AKT3: variants seen among roughly 807,000 people sequenced by gnomAD.
AKT3 encodes the protein RAC-gamma serine/threonine-protein kinase.
A neutral mutation model predicts 65.3 loss-of-function variants in AKT3; 15 were observed. That is an observed-to-expected ratio of 0.23 (90% CI 0.15 to 0.35). The LOEUF is 0.35. Ranked by LOEUF, AKT3 falls within the 10% of genes least tolerant of loss-of-function variation. The pLI, the probability that AKT3 is intolerant of heterozygous loss-of-function variation, is 1.00. For synonymous variants in AKT3, 206 were observed against 183.8 expected (o/e 1.12, Z -0.98); for missense variants, 243 against 576.5 (o/e 0.42, Z 5.92).
intron 13 of AKT3, among the ~76,000 whole-genome samples, chr1:243,510,791 C>T (rs528599560): frequency 1.3e-5 from 2 of 152,252 alleles, no homozygotes; most frequent in Non-Finnish European, 2.9e-5. Context: ...GGGATGGCAC[C>T]GGAAGGTTTT....
chr1:243,795,476 G>GTTTT lies in AKT3; in HGVS notation c.46+47645_46+47648dup, dbSNP rs11440720. The stretch of plus-strand genomic sequence containing the variant: ...TTTTTTTTTTTGTTTTTTTTTTTTG[G>GTTTT]TTTTTTTTTTTTTGAGACGGAGTCT... On this transcript the variant is annotated intron_variant, in intron 2 of 13. Coordinates refer to ENST00000673466, the MANE Select transcript of AKT3 (RefSeq NM_005465.7). 7.0e-4 allele frequency among the ~76,000 whole-genome samples: 77 copies of GTTTT among 109,830 alleles called. 1 individual carries two copies. Among genetic ancestry groups the GTTTT allele is most frequent in the East Asian group, 1.6e-3 (6 of 3,722 alleles). The allele number at this position is 109,830 out of a possible 152,430, so 72.1% of individuals were successfully genotyped here. A position where few individuals can be genotyped will look rare whatever the true frequency, so the allele number is the denominator to read the frequency against.
intron 4 of AKT3, among the ~76,000 whole-genome samples, chr1:243,657,424 G>C (rs1480229994): frequency 6.6e-6 from 1 of 152,052 alleles, no homozygotes; most frequent in Non-Finnish European, 1.5e-5. Context: ...AGTACTTTAG[G>C]AATAAACTTA....
chr1:243,632,328 A>G (rs953381440), intron 6 of AKT3, among the ~76,000 whole-genome samples: 5 of 152,222 alleles, frequency 3.3e-5, no homozygotes, highest in African/African-American at 9.6e-5. Flanking sequence ...ATCTCCTTGT[A>G]TATCTCCATC....
chr1:243,606,542 T>C (rs1031987279), intron 8 of AKT3, among the ~76,000 whole-genome samples: 2 of 152,126 alleles, frequency 1.3e-5, no homozygotes, highest in African/African-American at 4.8e-5. Context: ...GTGGAGGAAA[T>C]TTCTAAGTGG....
chr1:243,787,495 C>G (rs955808485), intron 2 of AKT3, among the ~76,000 whole-genome samples: 1 of 152,284 alleles, frequency 6.6e-6, no homozygotes, highest in Non-Finnish European at 1.5e-5. Flanking sequence ...TGTCTCAACA[C>G]AATCCTAACT....
chr1:243,603,479 G>A (rs1056948884), intron 8 of AKT3, among the ~76,000 whole-genome samples: 3 of 152,140 alleles, frequency 2.0e-5, no homozygotes, highest in Non-Finnish European at 2.9e-5. Context: ...CTCTACACCT[G>A]TGCACTAGTC....
intron 2 of AKT3, among the ~76,000 whole-genome samples, chr1:243,730,115 G>T (rs1015256178): frequency 6.6e-6 from 1 of 152,094 alleles, no homozygotes; most frequent in African/African-American, 2.4e-5. Context: ...TTTCCTTTAC[G>T]CCTTTCAGCC....
At chr1:243,656,890 A>T (rs778887450) in intron 4 of AKT3, among the ~76,000 whole-genome samples, 1 of 152,246 alleles carries the variant, frequency 6.6e-6, no homozygotes, top group Non-Finnish European at 1.5e-5. Flanking sequence ...TACATATACA[A>T]ATCATATTTA....
chr1:243,588,327 A>G (rs1041953010), intron 8 of AKT3, among the ~76,000 whole-genome samples: 1 of 152,212 alleles, frequency 6.6e-6, no homozygotes, highest in African/African-American at 2.4e-5. Context: ...CAGAGCTGAG[A>G]GACATTCAAT....
intron 12 of AKT3, among the ~76,000 whole-genome samples, chr1:243,521,925 A>G (rs1350360003): frequency 6.6e-6 from 1 of 152,156 alleles, no homozygotes; most frequent in Non-Finnish European, 1.5e-5. Flanking sequence ...CACTCATCCT[A>G]TTGACTGTAG....
intron 8 of AKT3, among the ~76,000 whole-genome samples, chr1:243,582,473 A>G (rs1290101286): frequency 7.9e-6 from 1 of 126,486 alleles, no homozygotes; most frequent in Non-Finnish European, 1.8e-5. Flanking sequence ...AAAAAAAAAG[A>G]AATTCCAACC....
chr1:243,839,217 A>G (rs941055459), intron 2 of AKT3, among the ~76,000 whole-genome samples: 1 of 152,210 alleles, frequency 6.6e-6, no homozygotes, highest in Non-Finnish European at 1.5e-5. Flanking sequence ...TACTTTATTA[A>G]TACACTAAGT....
chr1:243,500,618 TA>T lies in AKT3; in HGVS notation c.*4630del, dbSNP rs1669193805. 3 of 229,562 alleles carry T rather than the reference TA, an allele frequency of 1.3e-5. 1 individual carries two copies. The Admixed American group carries it at 1.7e-4, about 13-fold the overall frequency. The allele number at this position is 229,562 out of a possible 1,614,324, so 14.2% of individuals were successfully genotyped here. On this transcript the variant is annotated 3_prime_UTR_variant, in exon 14 of 14. Coordinates refer to ENST00000673466, the MANE Select transcript of AKT3 (RefSeq NM_005465.7). The stretch of plus-strand genomic sequence containing the variant: ...TGTTGTATCTGAGAATGACAAACAC[TA>T]AAGGCAAGGCTGCAGTTAGTTAGGA...
intron 8 of AKT3, among the ~76,000 whole-genome samples, chr1:243,611,020 C>T (rs571706194): frequency 5.9e-5 from 9 of 152,228 alleles, no homozygotes; most frequent in African/African-American, 1.9e-4. Flanking sequence ...TGCATCTGTA[C>T]GTCTGTAGGA....
chr1:243,592,982 T>C (rs772935594), intron 8 of AKT3, among the ~76,000 whole-genome samples: 2 of 152,130 alleles, frequency 1.3e-5, no homozygotes, highest in Non-Finnish European at 2.9e-5. Context: ...GTATGTGAAA[T>C]GGTATAATCT....
At chr1:243,646,264 A>AAAGAAAAAAAGAG (rs1680805790) in intron 4 of AKT3, among the ~76,000 whole-genome samples, 1 of 152,214 alleles carries the variant, frequency 6.6e-6, no homozygotes, top group Non-Finnish European at 1.5e-5. Flanking sequence ...GAAGTATGTT[A>AAAGAAAAAAAGAG]AAGAAAAAAA....
At chr1:243,523,291 A>G (rs900632356) in intron 12 of AKT3, among the ~76,000 whole-genome samples, 10 of 151,414 alleles carry the variant, frequency 6.6e-5, no homozygotes, top group Admixed American at 6.6e-4. Flanking sequence ...ACACACACAC[A>G]CACACACACA....
chr1:243,850,342 G>A (rs1695725410), upstream of AKT3, among the ~76,000 whole-genome samples: 1 of 150,640 alleles, frequency 6.6e-6, no homozygotes, highest in African/African-American at 2.4e-5. Flanking sequence ...GAGGAGAGAG[G>A]GCGGCGGCGG....
chr1:243,776,256 T>C (rs1428167295), intron 2 of AKT3, among the ~76,000 whole-genome samples: 1 of 152,204 alleles, frequency 6.6e-6, no homozygotes, highest in African/African-American at 2.4e-5. Context: ...AAGACATTTT[T>C]TATGTTAGAG....
Sources: gnomAD v4.1 joint callset for allele counts (sites outside exome capture counted in the v4.1 genomes callset) on GRCh38, gnomAD v4.1.1 for gene constraint, MANE v1.5 for transcripts, NCBI Gene and HGNC (gene_info 2026-07-23, HGNC 2026-07-21) for gene names.